FGF7: variants seen among roughly 807,000 people sequenced by gnomAD.
The protein encoded by FGF7 is fibroblast growth factor 7.
A neutral mutation model predicts 20.5 loss-of-function variants in FGF7; 6 were observed. That is an observed-to-expected ratio of 0.29 (90% CI 0.16 to 0.58). The LOEUF (loss-of-function observed/expected upper bound fraction) is 0.58. Ranked by LOEUF, FGF7 falls within the 20% of genes least tolerant of loss-of-function variation. The pLI is 0.90. For synonymous variants in FGF7, 64 were observed against 74.7 expected (o/e 0.86, Z 0.74); for missense variants, 144 against 228.8 (o/e 0.63, Z 2.39).
chr15:49,424,268 A>G lies in FGF7; in HGVS notation c.-30A>G. 3 of 1,587,820 alleles carry G rather than the reference A, an allele frequency of 1.9e-6. No individual in the cohort carries two copies. Among genetic ancestry groups the G allele is most frequent in the Non-Finnish European group, 2.6e-6 (3 of 1,160,862 alleles). ...ACTCAAGATTCATTTTCATTATGTT[A>G]TTCATGAACACCCGGAGCACTACAC... On this transcript the variant is annotated 5_prime_UTR_variant, in exon 2 of 4. Transcript: ENST00000267843.
At chr15:49,434,356 C>T (rs1013496847) in intron 2 of FGF7, 1 of 151,110 alleles carries the variant, frequency 6.6e-6, no homozygotes, top group African/African-American at 2.4e-5. Context: ...CAATAGTAAG[C>T]AAATATACAG....
In FGF7 at chr15:49,477,725, G is replaced by A. The variant is rs1194849194; in HGVS notation, c.287-5426G>A. ...ATGACTGCTGGATTATATAGTAAGA[G>A]TATGTTTAGTTTTTAAGAAACTGCC... On this transcript the variant is annotated intron_variant, in intron 2 of 3. Coordinates refer to ENST00000267843, the MANE Select transcript of FGF7 (RefSeq NM_002009.4). 1.3e-5 allele frequency among the ~76,000 whole-genome samples: 2 copies of A among 152,192 alleles called. 1 individual carries two copies.
chr15:49,478,133 GTGT>G (rs1424788703), intron 2 of FGF7, among the ~76,000 whole-genome samples: 1 of 152,048 alleles, frequency 6.6e-6, no homozygotes, highest in Admixed American at 6.6e-5. Flanking sequence ...TAAGTACCCA[GTGT>G]TTAGCTCCCA....
intron 2 of FGF7, among the ~76,000 whole-genome samples, chr15:49,480,474 A>ATTTTTTT (rs35283556): frequency 9.9e-6 from 1 of 100,914 alleles, no homozygotes; most frequent in African/African-American, 4.1e-5. Context: ...TGCCCAACTA[A>ATTTTTTT]TTTTTTTTTT....
Position 49,473,113 on chromosome 15 carries a change from A to G in FGF7, c.287-10038A>G, listed in dbSNP as rs568163255. Among the ~76,000 whole-genome samples the G allele has an allele frequency of 5.3e-5, 8 of 152,254 alleles. No individual in the cohort carries two copies. The East Asian group carries it at 1.2e-3, about 22-fold the overall frequency. Reference sequence around the variant, plus strand: ...TTTTTCAACTGAATATTTTTTAAAAACATTTTTGTATTTTTTCAATTTAGA... The same window carrying G: ...TTTTTCAACTGAATATTTTTTAAAAGCATTTTTGTATTTTTTCAATTTAGA... On this transcript the variant is annotated intron_variant, in intron 2 of 3. Transcript: ENST00000267843.
chr15:49,455,460 G>A (rs1447702010), intron 2 of FGF7, among the ~76,000 whole-genome samples: 1 of 152,126 alleles, frequency 6.6e-6, no homozygotes, highest in African/African-American at 2.4e-5. Context: ...TAAAATTGTA[G>A]TAAGGCAATG....
chr15:49,444,707 C>T (rs1056882683), intron 2 of FGF7, among the ~76,000 whole-genome samples: 4 of 151,560 alleles, frequency 2.6e-5, no homozygotes, highest in African/African-American at 7.3e-5. Context: ...GCATATGTTC[C>T]GGGGTCTGTC....
At chr15:49,480,699 T>G (rs1446817163) in intron 2 of FGF7, among the ~76,000 whole-genome samples, 1 of 152,068 alleles carries the variant, frequency 6.6e-6, no homozygotes, top group Non-Finnish European at 1.5e-5. Flanking sequence ...GCCAGGTTAG[T>G]ATTGAATTCC....
intron 2 of FGF7, among the ~76,000 whole-genome samples, chr15:49,467,910 A>G (rs999602503): frequency 1.1e-4 from 16 of 152,266 alleles, no homozygotes; most frequent in Admixed American, 6.5e-5. Context: ...ATACAGTTCA[A>G]TGATGTTCCC....
At chr15:49,475,343 G>T (rs1413740944) in intron 2 of FGF7, among the ~76,000 whole-genome samples, 1 of 152,186 alleles carries the variant, frequency 6.6e-6, no homozygotes, top group Admixed American at 6.5e-5. Flanking sequence ...AAAATGAGCA[G>T]ATTCTGGCTA....
At chr15:49,469,355 T>A (rs770694883) in intron 2 of FGF7, among the ~76,000 whole-genome samples, 107 of 152,140 alleles carry the variant, frequency 7.0e-4, no homozygotes, top group Non-Finnish European at 1.3e-3. Flanking sequence ...AAATTAAATT[T>A]AATTCTATTT....
At chr15:49,426,412 T>A (rs1490572985) in intron 2 of FGF7, among the ~76,000 whole-genome samples, 1 of 151,970 alleles carries the variant, frequency 6.6e-6, no homozygotes, top group Non-Finnish European at 1.5e-5. Flanking sequence ...GAATTCTACA[T>A]GCTGACTACT....
chr15:49,460,004 A>C (rs1263410877), intron 2 of FGF7, among the ~76,000 whole-genome samples: 1 of 152,162 alleles, frequency 6.6e-6, no homozygotes, highest in Non-Finnish European at 1.5e-5. Flanking sequence ...AAATTTCCAC[A>C]GCTATCACTT....
intron 2 of FGF7, among the ~76,000 whole-genome samples, chr15:49,444,272 G>A (rs929948770): frequency 1.3e-5 from 2 of 151,624 alleles, no homozygotes; most frequent in African/African-American, 4.8e-5. Context: ...CCACAATCCA[G>A]CTATTTAGCC....
intron 2 of FGF7, among the ~76,000 whole-genome samples, chr15:49,458,221 C>G (rs2053487990): frequency 6.6e-6 from 1 of 151,840 alleles, no homozygotes; most frequent in Non-Finnish European, 1.5e-5. Context: ...GTACCAATGA[C>G]AATAGATTTT....
chr15:49,453,593 C>T (rs751576668), intron 2 of FGF7, among the ~76,000 whole-genome samples: 6 of 152,256 alleles, frequency 3.9e-5, no homozygotes, highest in East Asian at 1.9e-4. Context: ...CCGTCAGGGA[C>T]CATGTGTTAC....
At chr15:49,455,597 G>A (rs943056832) in intron 2 of FGF7, among the ~76,000 whole-genome samples, 10 of 152,196 alleles carry the variant, frequency 6.6e-5, no homozygotes, top group African/African-American at 2.2e-4. Context: ...TTTGGATTTA[G>A]ATAAAAGTCT....
intron 2 of FGF7, among the ~76,000 whole-genome samples, chr15:49,448,926 C>T (rs989981898): frequency 2.4e-4 from 36 of 151,876 alleles, no homozygotes; most frequent in African/African-American, 8.7e-4. Context: ...GAAATTACTC[C>T]TGCTTCAGTT....
rs1360423076 is a variant in FGF7 at position 49,487,515 on chromosome 15, G to A, written c.*3011G>A. 1 of 151,814 alleles carries A rather than the reference G, an allele frequency of 6.6e-6. No individual in the cohort carries two copies. The highest frequency in any genetic ancestry group is 1.5e-5 in the Non-Finnish European group (1 of 67,890). 9.4% of individuals were successfully genotyped at this position (151,814 alleles called of 1,614,324 possible). ...ATGACAGAAGAGAAGGGATGCTGGA[G>A]GTAAATTCTTAGGGTTTCTATCTCA... On this transcript the variant is annotated 3_prime_UTR_variant, in exon 4 of 4. Transcript: ENST00000267843.
Sources: gnomAD v4.1 joint callset for allele counts (sites outside exome capture counted in the v4.1 genomes callset) on GRCh38, gnomAD v4.1.1 for gene constraint, MANE v1.5 for transcripts, NCBI Gene and HGNC (gene_info 2026-07-23, HGNC 2026-07-21) for gene names.